The following NWD2 variants were observed in gnomAD, a reference collection of about 807,000 sequenced individuals.
The protein encoded by NWD2 is NACHT and WD repeat domain-containing protein 2.
Under a neutral mutation model 132.7 loss-of-function variants are expected in NWD2, and 37 were observed. The ratio of observed to expected loss-of-function variants is 0.28; its 90% CI spans 0.21 to 0.37. The LOEUF (loss-of-function observed/expected upper bound fraction) is 0.37, where lower values mean the gene tolerates loss of function less well. Ranked by LOEUF, NWD2 falls within the 10% of genes least tolerant of loss-of-function variation. The pLI, the probability that NWD2 is intolerant of heterozygous loss-of-function variation, is 1.00. For synonymous variants in NWD2, 705 were observed against 803.0 expected (o/e 0.88, Z 2.06); for missense variants, 1,592 against 2,122.4 (o/e 0.75, Z 4.91).
At chr4:37,408,263 A>C (rs150520589) in intron 3 of NWD2, among the ~76,000 whole-genome samples, 4,822 of 152,252 alleles carry the variant, frequency 0.032, 183 homozygotes, top group Non-Finnish European at 0.043. Flanking sequence ...GGAGCCCAGC[A>C]AACTAAGATC....
At chr4:37,351,361 GT>G (rs764567027) in intron 2 of NWD2, among the ~76,000 whole-genome samples, 2 of 152,140 alleles carry the variant, frequency 1.3e-5, no homozygotes, top group Non-Finnish European at 2.9e-5. Context: ...TGCAGAACTT[GT>G]TATTGGTCTA....
chr4:37,285,509 TA>T (rs1431631945), intron 1 of NWD2, among the ~76,000 whole-genome samples: 1 of 152,122 alleles, frequency 6.6e-6, no homozygotes, highest in African/African-American at 2.4e-5. Context: ...TGATAATTTT[TA>T]TAAGTACCTA....
chr4:37,255,760 G>C (rs912686181), intron 1 of NWD2, among the ~76,000 whole-genome samples: 3 of 152,148 alleles, frequency 2.0e-5, no homozygotes, highest in African/African-American at 7.2e-5. Context: ...TAGAACCCAA[G>C]GCCAGAACTG....
At chr4:37,433,613 G>T (rs1386953604) in intron 4 of NWD2, among the ~76,000 whole-genome samples, 1 of 152,120 alleles carries the variant, frequency 6.6e-6, no homozygotes, top group Non-Finnish European at 1.5e-5. Flanking sequence ...AAACTCAAAA[G>T]GGAAAAGCAT....
chr4:37,342,817 C>G (rs960559525), intron 2 of NWD2, among the ~76,000 whole-genome samples: 2 of 152,252 alleles, frequency 1.3e-5, no homozygotes, highest in East Asian at 3.9e-4. Flanking sequence ...AGAAGGCTTT[C>G]GATGAAGCAT....
At chr4:37,309,398 C>A (rs1254495576) in intron 1 of NWD2, among the ~76,000 whole-genome samples, 1 of 152,102 alleles carries the variant, frequency 6.6e-6, no homozygotes, top group Non-Finnish European at 1.5e-5. Flanking sequence ...ACTGCATTGC[C>A]TCAGGTGCTG....
chr4:37,428,369 G>A (rs1712064149), intron 3 of NWD2, among the ~76,000 whole-genome samples: 1 of 152,198 alleles, frequency 6.6e-6, no homozygotes, highest in South Asian at 2.1e-4. Context: ...AGTGTCTCAT[G>A]GATACAATAA....
chr4:37,245,486 T>C (rs1717219754), intron 1 of NWD2, among the ~76,000 whole-genome samples: 1 of 151,688 alleles, frequency 6.6e-6, no homozygotes, highest in Non-Finnish European at 1.5e-5. Context: ...TCCAAGGCAT[T>C]AGCCGGCCCT....
chr4:37,360,754 G>A (rs2047746942), intron 3 of NWD2, among the ~76,000 whole-genome samples: 1 of 152,146 alleles, frequency 6.6e-6, no homozygotes, highest in Admixed American at 6.6e-5. Context: ...AGAGAGCAGA[G>A]GTCATATGAT....
At chr4:37,357,495 A>G (rs1182011960) in intron 3 of NWD2, among the ~76,000 whole-genome samples, 1 of 152,182 alleles carries the variant, frequency 6.6e-6, no homozygotes, top group Non-Finnish European at 1.5e-5. Context: ...TATTCCATAT[A>G]TAGATAAGTT....
At chr4:37,266,910 A>G (rs1717763959) in intron 1 of NWD2, among the ~76,000 whole-genome samples, 2 of 152,092 alleles carry the variant, frequency 1.3e-5, no homozygotes, top group Admixed American at 6.6e-5. Context: ...AACACAAAAG[A>G]TATCTCGAGG....
At chr4:37,397,564 C>A (rs1720822788) in intron 3 of NWD2, among the ~76,000 whole-genome samples, 2 of 152,118 alleles carry the variant, frequency 1.3e-5, no homozygotes, top group Admixed American at 6.5e-5. Flanking sequence ...CAGCCGCCAG[C>A]CTGCCCTGCA....
At chr4:37,284,753 G>C (rs568964249) in intron 1 of NWD2, among the ~76,000 whole-genome samples, 1 of 152,344 alleles carries the variant, frequency 6.6e-6, no homozygotes, top group South Asian at 2.1e-4. Context: ...TCGGGATGCT[G>C]TGATAGCCCT....
At chr4:37,318,998 C>T (rs1263449084) in intron 1 of NWD2, among the ~76,000 whole-genome samples, 2 of 152,152 alleles carry the variant, frequency 1.3e-5, no homozygotes, top group African/African-American at 4.8e-5. Flanking sequence ...TGTACCCAGT[C>T]ATGGGATTGC....
At chr4:37,253,718 C>G (rs115104168) in intron 1 of NWD2, among the ~76,000 whole-genome samples, 3,003 of 152,238 alleles carry the variant, frequency 0.02, 52 homozygotes, top group Middle Eastern at 0.031. Context: ...TTAGCACGGC[C>G]TTGGGAAAAG....
At chr4:37,279,103 G>T (rs1175154108) in intron 1 of NWD2, among the ~76,000 whole-genome samples, 1 of 152,080 alleles carries the variant, frequency 6.6e-6, no homozygotes, top group Non-Finnish European at 1.5e-5. Flanking sequence ...AAGACAATTT[G>T]CTGTGAAGTT....
intron 1 of NWD2, among the ~76,000 whole-genome samples, chr4:37,277,923 C>A (rs1718055425): frequency 6.6e-6 from 1 of 152,070 alleles, no homozygotes; most frequent in Non-Finnish European, 1.5e-5. Flanking sequence ...TCTTTGAAAT[C>A]TGTCTGCCCT....
chr4:37,285,008 A>C (rs1718197749), intron 1 of NWD2, among the ~76,000 whole-genome samples: 2 of 152,124 alleles, frequency 1.3e-5, no homozygotes, highest in Non-Finnish European at 2.9e-5. Context: ...ATTTACTTCT[A>C]TGTGTAAGTA....
chr4:37,426,876 A>G (rs1236161902), intron 3 of NWD2, among the ~76,000 whole-genome samples: 2 of 152,142 alleles, frequency 1.3e-5, no homozygotes, highest in African/African-American at 4.8e-5. Flanking sequence ...CCTAGTCTCT[A>G]AGACCAGCCT....
Sources: gnomAD v4.1 joint callset for allele counts (sites outside exome capture counted in the v4.1 genomes callset) on GRCh38, gnomAD v4.1.1 for gene constraint, MANE v1.5 for transcripts, NCBI Gene and HGNC (gene_info 2026-07-23, HGNC 2026-07-21) for gene names.